Variants in GDA observed in about 807,000 individuals in gnomAD.
The protein encoded by GDA is guanine deaminase, also known as cytoplasmic PSD-95 interactor.
Under a neutral mutation model 59.6 loss-of-function variants are expected in GDA, and 18 were observed. That is an observed-to-expected ratio of 0.30 (90% confidence interval 0.21 to 0.45). The LOEUF (loss-of-function observed/expected upper bound fraction) is 0.45. Among genes scored for constraint, GDA ranks in the 20% least tolerant of loss-of-function variants. The pLI is 1.00. For missense variants in GDA, 427 were observed against 552.3 expected, an observed-to-expected ratio of 0.77 and a Z score of 2.27; for synonymous variants, 201 against 201.1, an observed-to-expected ratio of 1.00 and a Z score of 0.00.
At chr9:72,230,992 A>G in intron 9 of GDA, 122 bp from the exon 10 acceptor site, 1 of 718,298 alleles carries the variant, frequency 1.4e-6, no homozygotes, top group East Asian at 2.5e-5. Flanking sequence ...TGTTTGTGTC[A>G]ACATTAGAGC....
chr9:72,255,900 G>A (rs971978427), downstream of GDA, among the ~76,000 whole-genome samples: 3 of 152,126 alleles, frequency 2.0e-5, no homozygotes, highest in African/African-American at 7.2e-5. Context: ...CTCATGATGA[G>A]ACTCACATTC....
Position 72,251,039 on chromosome 9 carries a change from T to A in GDA, c.*2697T>A. On this transcript the variant is annotated 3_prime_UTR_variant, in exon 14 of 14. Coordinates refer to ENST00000358399, the MANE Select transcript of GDA (RefSeq NM_004293.5). Reference sequence around the variant, plus strand: ...TCCCTAATTTATTCTCTTGGCTGGTTCTCTCATTGAATTATCAGACCCCAA... The same window carrying A: ...TCCCTAATTTATTCTCTTGGCTGGTACTCTCATTGAATTATCAGACCCCAA... 1.1e-5 allele frequency: 6 copies of A among 531,376 alleles called. No individual in the cohort carries two copies. Among genetic ancestry groups the A allele is most frequent in the Non-Finnish European group, 1.7e-5 (5 of 298,808 alleles). 32.9% of individuals were successfully genotyped at this position (531,376 alleles called of 1,614,324 possible).
At position 72,143,492 on chromosome 9, in the gene GDA, C is replaced by T. The variant is rs565919225; in HGVS notation, c.-100+28659C>T. On this transcript the variant is annotated intron_variant, in intron 1 of 13. Transcript: ENST00000545168. ...GCCGGCATCAGCTAAATTTTACTAA[C>T]GTGCTACCTGATTTGAGGGATCAGC... Among the ~76,000 whole-genome samples, 12 of 152,208 alleles carry T rather than the reference C, an allele frequency of 7.9e-5. No individual in the cohort carries two copies. In the East Asian group the frequency reaches 1.4e-3, roughly 17 times the overall value.
intron 1 of GDA, among the ~76,000 whole-genome samples, chr9:72,120,214 G>A (rs1330899270): frequency 6.8e-6 from 1 of 147,784 alleles, no homozygotes; most frequent in Non-Finnish European, 1.5e-5. Context: ...TTGAGATAGA[G>A]TCTCCCTCTG....
chr9:72,251,436 C>T lies in GDA; in HGVS notation c.*3094C>T, dbSNP rs755946006. 6 of 152,156 alleles carry T rather than the reference C, an allele frequency of 3.9e-5. No individual in the cohort carries two copies. Among genetic ancestry groups the T allele is most frequent in the African/African-American group, 1.2e-4 (5 of 41,418 alleles). The allele number at this position is 152,156 out of a possible 1,614,324, so 9.4% of individuals were successfully genotyped here. ...TGTATCAATTCTACCTTGTGCTATA[C>T]GTAGGAGAGATCCAAAATTTGGATG... is the stretch of plus-strand genomic sequence containing the variant. On this transcript the variant is annotated 3_prime_UTR_variant, in exon 14 of 14. Coordinates refer to ENST00000358399, the MANE Select transcript of GDA (RefSeq NM_004293.5).
chr9:72,132,175 G>C lies in GDA; in HGVS notation c.-100+17342G>C, dbSNP rs535448855. Among the ~76,000 whole-genome samples the C allele has an allele frequency of 3.8e-4, 58 of 152,216 alleles. No homozygotes were observed. In the South Asian group the frequency reaches 0.011, roughly 29 times the overall value. ...ACAATTCAAAATGAGATTTGGGTGG[G>C]AACAAAGCCAAACCATGTCTCACCC... is the stretch of plus-strand genomic sequence containing the variant. On this transcript the variant is annotated intron_variant, in intron 1 of 13. Coordinates refer to the GDA transcript ENST00000545168.
intron 1 of GDA, among the ~76,000 whole-genome samples, chr9:72,122,677 GAAAC>G (rs1422600356): frequency 6.6e-6 from 1 of 150,860 alleles, no homozygotes; most frequent in African/African-American, 2.5e-5. Flanking sequence ...ACACCTGAGA[GAAAC>G]AAAAGAGTTT....
At chr9:72,149,239 T>A (rs369123292), upstream of GDA, 1 of 345,888 alleles carries the variant, frequency 2.9e-6, no homozygotes, top group South Asian at 3.2e-5. Flanking sequence ...GCTGATCTTC[T>A]GAGCCTCAGC....
chr9:72,225,939 A>G (rs1232917983), intron 8 of GDA, among the ~76,000 whole-genome samples, 155 bp downstream of exon 8: 1 of 152,038 alleles, frequency 6.6e-6, no homozygotes, highest in African/African-American at 2.4e-5. Flanking sequence ...GAAAGTTTAT[A>G]TATCTATGGG....
At chr9:72,178,960 A>G (rs1013525988) in intron 1 of GDA, among the ~76,000 whole-genome samples, 1 of 152,212 alleles carries the variant, frequency 6.6e-6, no homozygotes, top group African/African-American at 2.4e-5. Context: ...TGTGCTATCT[A>G]GTAAACAAAC....
intron 13 of GDA, 126 bp from the exon 14 acceptor site, chr9:72,248,145 TG>T: frequency 1.4e-6 from 1 of 709,878 alleles, no homozygotes; most frequent in Non-Finnish European, 2.6e-6. Context: ...ATCTGAGGGT[TG>T]GGGGAAAGCA....
intron 5 of GDA, among the ~76,000 whole-genome samples, chr9:72,215,862 C>T (rs1836044840): frequency 6.6e-6 from 1 of 152,180 alleles, no homozygotes; most frequent in African/African-American, 2.4e-5. Context: ...AAACATGTTT[C>T]CACGTAAAGA....
chr9:72,118,916 C>A (rs4744660), intron 1 of GDA, among the ~76,000 whole-genome samples: 68,891 of 151,918 alleles, frequency 0.45, 17,834 homozygotes, highest in Non-Finnish European at 0.58. Context: ...ATTTGTCCCA[C>A]TTGAGTATTC....
At chr9:72,145,137 A>T (rs868490549), upstream of GDA, among the ~76,000 whole-genome samples, 52 of 152,082 alleles carry the variant, frequency 3.4e-4, no homozygotes, top group African/African-American at 8.7e-4. Flanking sequence ...CATTCTACTG[A>T]CCTACGCTGA....
intron 1 of GDA, among the ~76,000 whole-genome samples, chr9:72,135,715 T>A (rs1182448807): frequency 6.6e-6 from 1 of 151,556 alleles, no homozygotes; most frequent in East Asian, 2.0e-4. Context: ...GATCAGGAGG[T>A]CAGGAGATCA....
intron 3 of GDA, among the ~76,000 whole-genome samples, chr9:72,209,258 C>T (rs1255481153): frequency 6.6e-6 from 1 of 151,868 alleles, no homozygotes; most frequent in Non-Finnish European, 1.5e-5. Flanking sequence ...TTTGTCCCTT[C>T]CATTTATTTA....
rs988169255 is a variant in GDA at position 72,180,221 on chromosome 9, G to T, written c.124-15279G>T. On this transcript the variant is annotated intron_variant, in intron 1 of 13. Transcript: ENST00000358399. ...AAAATACAAAAATTTTCCAGGCATGGTGGTGGGTGCCTGTAATCCCAGCCA... is the reference window on the plus strand; with the variant it reads ...AAAATACAAAAATTTTCCAGGCATGTTGGTGGGTGCCTGTAATCCCAGCCA... Among the ~76,000 whole-genome samples, 5 of 152,248 alleles carry T rather than the reference G, an allele frequency of 3.3e-5. No homozygotes were observed. The East Asian group carries it at 5.8e-4, about 18-fold the overall frequency.
chr9:72,252,637 A>C (rs1020178157), downstream of GDA, among the ~76,000 whole-genome samples: 3 of 152,176 alleles, frequency 2.0e-5, no homozygotes, highest in African/African-American at 7.2e-5. Flanking sequence ...ATTTTAGTCT[A>C]TGTCATTTTA....
At chr9:72,194,165 C>T (rs138377543) in intron 1 of GDA, 31 of 152,226 alleles carry the variant, frequency 2.0e-4, no homozygotes, top group African/African-American at 7.5e-4. Flanking sequence ...AAGTGTAAGA[C>T]AAAGTACCGT....
Sources: gnomAD v4.1 joint callset for allele counts (sites outside exome capture counted in the v4.1 genomes callset) on GRCh38, gnomAD v4.1.1 for gene constraint, MANE v1.5 for transcripts, NCBI Gene and HGNC (gene_info 2026-07-23, HGNC 2026-07-21) for gene names.